The following KIAA0319 variants were observed in gnomAD, a reference collection of about 807,000 sequenced individuals.
The protein encoded by KIAA0319 is KIAA0319.
KIAA0319 carries 83 observed loss-of-function variants against 108.4 expected under a neutral mutation model. The ratio of observed to expected loss-of-function variants is 0.77; its 90% CI spans 0.64 to 0.92. The LOEUF (loss-of-function observed/expected upper bound fraction) is 0.92, where lower values mean the gene tolerates loss of function less well. Among genes scored for constraint, KIAA0319 ranks in the 40% least tolerant of loss-of-function variants. KIAA0319 has a pLI of 0.00. For missense variants in KIAA0319, 1,195 were observed against 1,322.4 expected (o/e 0.90, Z 1.49); for synonymous variants, 484 against 510.4 (o/e 0.95, Z 0.70).
At chr6:24,583,046 T>C (rs1185322429) in intron 5 of KIAA0319, 2 of 983,812 alleles carry the variant, frequency 2.0e-6, no homozygotes, top group African/African-American at 3.5e-5. Context: ...TCAAACACCT[T>C]AAGAATGAGT....
chr6:24,628,940 A>G (rs1003733839), intron 1 of KIAA0319, among the ~76,000 whole-genome samples: 2 of 152,096 alleles, frequency 1.3e-5, no homozygotes, highest in Non-Finnish European at 2.9e-5. Flanking sequence ...ATTTTTACGT[A>G]AGGTCACATT....
chr6:24,564,795 C>T (rs1763667697), intron 14 of KIAA0319, among the ~76,000 whole-genome samples: 1 of 152,188 alleles, frequency 6.6e-6, no homozygotes, highest in South Asian at 2.1e-4. Flanking sequence ...GTTCTGTGGG[C>T]TTCTAAGCTC....
Position 24,564,217 on chromosome 6 carries a change from C to G in KIAA0319, c.2416G>C (p.Val806Leu), listed in dbSNP as rs1561940932. Reference sequence around the variant, plus strand: ...AGGAACTCACCTGGCTGCACTTCCACAGTGGCAGTGTCTGTGTCCGAGGCC... The same window carrying G: ...AGGAACTCACCTGGCTGCACTTCCAGAGTGGCAGTGTCTGTGTCCGAGGCC... Reference protein sequence around the residue: ...QGASDTDTATVEVQPDPRKSG... With the variant: ...QGASDTDTATLEVQPDPRKSG... The change falls in exon 15 of 21, where the codon GTG becomes CTG. Residue 806 changes from valine to leucine, a missense_variant. By Grantham distance (32) the Val-to-Leu change is conservative (BLOSUM62 1). Coordinates refer to ENST00000378214, the MANE Select transcript of KIAA0319 (RefSeq NM_014809.4). The G allele has an allele frequency of 1.2e-6, 2 of 1,614,142 alleles. No homozygotes were observed. Among genetic ancestry groups the G allele is most frequent in the South Asian group, 2.2e-5 (2 of 91,084 alleles).
At chr6:24,570,528 CAGTGAGCCA>C (rs989461425) in intron 11 of KIAA0319, among the ~76,000 whole-genome samples, 2 of 150,928 alleles carry the variant, frequency 1.3e-5, no homozygotes, top group Non-Finnish European at 2.9e-5. Flanking sequence ...GCGGAGCTTG[CAGTGAGCCA>C]AGATTGTGCC....
At chr6:24,585,234 C>T (rs1174495438) in intron 4 of KIAA0319, among the ~76,000 whole-genome samples, 6 of 151,830 alleles carry the variant, frequency 4.0e-5, no homozygotes, top group South Asian at 4.2e-4. Context: ...AAATAAATCT[C>T]GGGACCCCCA....
chr6:24,573,499 CA>C (rs963430073), intron 10 of KIAA0319, among the ~76,000 whole-genome samples: 5 of 151,310 alleles, frequency 3.3e-5, no homozygotes, highest in East Asian at 1.9e-4. Context: ...AAATATTAAG[CA>C]AAAAAAAGAA....
chr6:24,568,416 T>G (rs778323293), intron 13 of KIAA0319, among the ~76,000 whole-genome samples: 4 of 152,154 alleles, frequency 2.6e-5, no homozygotes, highest in Non-Finnish European at 5.9e-5. Flanking sequence ...AGACCACAGA[T>G]TTCACACTAA....
intron 3 of KIAA0319, among the ~76,000 whole-genome samples, chr6:24,593,562 G>A (rs1768880840): frequency 6.6e-6 from 1 of 151,390 alleles, no homozygotes. Context: ...CGCCACGCCT[G>A]GCTAATTTTT....
intron 1 of KIAA0319, among the ~76,000 whole-genome samples, chr6:24,625,121 G>GT (rs960261544): frequency 1.2e-4 from 19 of 152,070 alleles, no homozygotes; most frequent in South Asian, 2.1e-4. Context: ...CATAACTTCT[G>GT]TTTTTTTTAT....
At chr6:24,549,729 T>A (rs777403264) in intron 20 of KIAA0319, among the ~76,000 whole-genome samples, 2 of 152,232 alleles carry the variant, frequency 1.3e-5, no homozygotes, top group Non-Finnish European at 2.9e-5. Context: ...GTACTTGAGA[T>A]GTACCTAGTA....
chr6:24,634,020 T>C (rs1246869894), intron 1 of KIAA0319, among the ~76,000 whole-genome samples: 3 of 152,174 alleles, frequency 2.0e-5, no homozygotes, highest in Non-Finnish European at 2.9e-5. Flanking sequence ...AGGAACAAAA[T>C]TATTTTGGAT....
chr6:24,576,236 T>A, intron 10 of KIAA0319, 132 bp downstream of exon 10: 1 of 725,708 alleles, frequency 1.4e-6, no homozygotes, highest in Non-Finnish European at 2.3e-6. Context: ...CCTTTTCTAA[T>A]AGTTGTAATA....
chr6:24,543,633 T>C (rs1760293151), downstream of KIAA0319, among the ~76,000 whole-genome samples: 2 of 152,176 alleles, frequency 1.3e-5, no homozygotes, highest in African/African-American at 4.8e-5. Context: ...GATTTGGCCA[T>C]GTTGCCTAGG....
Position 24,547,168 on chromosome 6 carries a change from T to A in KIAA0319, c.3216A>T (p.Arg1072Ser), listed in dbSNP as rs1760735756. Residue 1072 changes from arginine to serine, a missense_variant, in exon 21 of 21, where the codon AGA becomes AGT. Transcript: ENST00000378214. ...CACTTTACAATGAACTGCGCCATTATCTGTCCTTTGAGCAATAACTGAAGG... is the reference window on the plus strand; with the variant it reads ...CACTTTACAATGAACTGCGCCATTAACTGTCCTTTGAGCAATAACTGAAGG... ...GASFSYCSKDR is the reference protein window; with the variant it reads ...GASFSYCSKDS 1 of 1,614,028 alleles carries A rather than the reference T, an allele frequency of 6.2e-7. No homozygotes were observed. The highest frequency in any genetic ancestry group is 8.5e-7 in the Non-Finnish European group (1 of 1,179,992).
downstream of KIAA0319, among the ~76,000 whole-genome samples, chr6:24,540,835 G>A (rs935859666): frequency 1.3e-5 from 2 of 152,054 alleles, no homozygotes; most frequent in African/African-American, 2.4e-5. Context: ...CCAGTGGTTC[G>A]CTTATTACCT....
intron 1 of KIAA0319, among the ~76,000 whole-genome samples, chr6:24,644,764 TTGCATTACAAATGCAAA>T (rs1161514418): frequency 6.6e-6 from 1 of 152,248 alleles, no homozygotes; most frequent in Non-Finnish European, 1.5e-5. Flanking sequence ...CCTCGGCATT[TTGCATTACAAATGCAAA>T]TGCATTACAA....
intron 1 of KIAA0319, among the ~76,000 whole-genome samples, chr6:24,602,255 G>T (rs1460454274): frequency 6.6e-6 from 1 of 152,158 alleles, no homozygotes; most frequent in Non-Finnish European, 1.5e-5. Context: ...GGCCTCAAGT[G>T]ATCTGCCCGT....
rs747049371 is a variant in KIAA0319, at chr6:24,566,635, A to G, written c.2254T>C (p.Tyr752His). 6.2e-7 allele frequency: 1 copy of G among 1,612,728 alleles called. No individual in the cohort carries two copies. Among genetic ancestry groups the G allele is most frequent in the South Asian group, 1.1e-5 (1 of 90,646 alleles). ...RSTDDQRIVS[Y>H]LWIRDGQSPA... is the part of the protein sequence containing the mutation. ...CTCTGGCCATCCCGGATCCACAGAT[A>G]GGACACAATTCTTTGGTCATCAGTA... Residue 752 changes from tyrosine (Y) to histidine (H), a missense_variant, in exon 14 of 21, where the codon TAT (tyrosine) becomes CAT (histidine). Tyr to His is a moderately conservative substitution (Grantham distance 83). Coordinates refer to ENST00000378214, the MANE Select transcript of KIAA0319 (RefSeq NM_014809.4).
chr6:24,599,253 T>C lies in KIAA0319; in HGVS notation c.55+1796A>G, dbSNP rs1770233398. On this transcript the variant is annotated intron_variant, in intron 2 of 20. Transcript: ENST00000378214. This position sits in a 1 kb window ranked among gnomAD's most constrained non-coding sequence, Gnocchi z 4.1. The stretch of plus-strand genomic sequence containing the variant: ...GGCTGGGAAGCACAGGGATGACCTG[T>C]GTTATACAAAGATGGAGATCTCTGA... The C allele has an allele frequency of 2.0e-6, 1 of 502,056 alleles. No homozygotes were observed. Among genetic ancestry groups the C allele is most frequent in the African/African-American group, 1.9e-5 (1 of 51,540 alleles). 31.1% of individuals were successfully genotyped at this position (502,056 alleles called of 1,614,324 possible). A position where few individuals can be genotyped will look rare whatever the true frequency, so the allele number is the denominator to read the frequency against.
Sources: gnomAD v4.1 joint callset for allele counts (sites outside exome capture counted in the v4.1 genomes callset) on GRCh38, gnomAD v4.1.1 for gene constraint, Gnocchi (gnomAD v3.1) non-coding constraint, MANE v1.5 for transcripts, NCBI Gene and HGNC (gene_info 2026-07-23, HGNC 2026-07-21) for gene names.